Variants in SSU72 observed in about 807,000 individuals in gnomAD.
SSU72 encodes the protein SSU72 homolog, RNA polymerase II CTD phosphatase.
In SSU72, 12 loss-of-function variants were observed where a neutral mutation model predicts 22.7. That is an observed-to-expected ratio of 0.53 (90% CI 0.34 to 0.86). The LOEUF (loss-of-function observed/expected upper bound fraction) is 0.86, where lower values mean the gene tolerates loss of function less well. Among genes scored for constraint, SSU72 ranks in the 40% least tolerant of loss-of-function variants. The pLI is 0.02. For synonymous variants in SSU72, 116 were observed against 98.3 expected (o/e 1.18, Z -1.06); for missense variants, 151 against 249.8 (o/e 0.60, Z 2.67).
intron 3 of SSU72, 121 bp downstream of exon 3, chr1:1,544,742 G>T (rs746475750): frequency 6.9e-7 from 1 of 1,444,542 alleles, no homozygotes; most frequent in South Asian, 1.1e-5. Context: ...TCACACTCAG[G>T]TCTGCTCCCC....
intron 2 of SSU72, chr1:1,561,393 T>C (rs1256916727): frequency 6.6e-6 from 1 of 152,238 alleles, no homozygotes; most frequent in East Asian, 1.9e-4. Context: ...GTCCTTTGTC[T>C]TGACGCTGTG....
chr1:1,553,619 C>CAAAAAA (rs59261076), intron 2 of SSU72, among the ~76,000 whole-genome samples: 1 of 100,804 alleles, frequency 9.9e-6, no homozygotes, highest in Non-Finnish European at 2.3e-5. Context: ...ACTAAAAATA[C>CAAAAAA]AAAAAAAAAA....
rs1306218662 is a variant in SSU72, at chr1:1,554,230, G to A, written c.225-9228C>T. Among the ~76,000 whole-genome samples the A allele has an allele frequency of 9.1e-5, 13 of 143,610 alleles. No individual in the cohort carries two copies. Among genetic ancestry groups the A allele is most frequent in the East Asian group, 1.9e-4 (1 of 5,140 alleles). 94.2% of individuals were successfully genotyped at this position (143,610 alleles called of 152,430 possible). ...ATCCGGACCACTAAGGGGTCCCCAC[G>A]AAGCTGAGCATGAGGCGGACCCGGA... On this transcript the variant is annotated intron_variant, in intron 2 of 4. Coordinates refer to ENST00000291386, the MANE Select transcript of SSU72 (RefSeq NM_014188.3). This position sits in a 1 kb window ranked among gnomAD's most constrained non-coding sequence, Gnocchi z 4.1.
chr1:1,551,064 C>T (rs1013676904), intron 2 of SSU72, among the ~76,000 whole-genome samples: 3 of 152,146 alleles, frequency 2.0e-5, no homozygotes, highest in Admixed American at 2.0e-4. Context: ...TGGCTGCTTC[C>T]CCAGGCCAGC....
At chr1:1,564,385 GGCAC>G in intron 2 of SSU72, 1 of 1,279,964 alleles carries the variant, frequency 7.8e-7, no homozygotes, top group Non-Finnish European at 1.0e-6. Context: ...ATGTGTATCA[GGCAC>G]GCACGCACAC....
intron 2 of SSU72, among the ~76,000 whole-genome samples, chr1:1,548,095 T>C (rs1240805249): frequency 6.6e-6 from 1 of 152,170 alleles, no homozygotes; most frequent in East Asian, 1.9e-4. Context: ...GCAAAGAGGA[T>C]GTGCCATCCA....
chr1:1,552,653 C>T (rs1642467271), intron 2 of SSU72, among the ~76,000 whole-genome samples: 1 of 152,174 alleles, frequency 6.6e-6, no homozygotes, highest in South Asian at 2.1e-4. Context: ...GAGGAGTAAA[C>T]CCAACAGACG....
At chr1:1,564,393 C>G (rs1422696828) in intron 2 of SSU72, 20 of 1,312,082 alleles carry the variant, frequency 1.5e-5, no homozygotes, top group Non-Finnish European at 1.9e-5. Flanking sequence ...CAGGCACGCA[C>G]GCACACACGC....
intron 1 of SSU72, among the ~76,000 whole-genome samples, chr1:1,566,457 T>TC (rs1359492777): frequency 6.6e-6 from 1 of 152,218 alleles, no homozygotes; most frequent in Non-Finnish European, 1.5e-5. Flanking sequence ...AACACTAAAC[T>TC]CCTCTTACAG....
intron 2 of SSU72, among the ~76,000 whole-genome samples, chr1:1,556,541 T>C (rs1327863177): frequency 1.3e-5 from 2 of 150,600 alleles, no homozygotes; most frequent in Non-Finnish European, 3.0e-5. Flanking sequence ...AACTCTTGTC[T>C]CAAAAAAAAA....
Position 1,574,693 on chromosome 1 carries a change from G to A in SSU72, c.-136C>T. On this transcript the variant is annotated 5_prime_UTR_variant, in exon 1 of 5. Transcript: ENST00000291386. ...GACGGCGCCGGCGGTGTAGCGTGCG[G>A]CGACTGCGCGGCGGCCTCCCCGCCC... The A allele has an allele frequency of 1.2e-6, 1 of 845,852 alleles. No homozygotes were observed. The highest frequency in any genetic ancestry group is 1.7e-6 in the Non-Finnish European group (1 of 600,974). 52.4% of individuals were successfully genotyped at this position (845,852 alleles called of 1,614,324 possible).
At chr1:1,573,204 G>A (rs183521208) in intron 1 of SSU72, among the ~76,000 whole-genome samples, 3 of 149,872 alleles carry the variant, frequency 2.0e-5, no homozygotes, top group Admixed American at 2.0e-4. Flanking sequence ...GGCAGATCAC[G>A]AGGTCATAAG....
rs116563714 is a variant in SSU72 at position 1,558,462 on chromosome 1, T to A, written c.224+6311A>T. 8.5e-3 allele frequency among the ~76,000 whole-genome samples: 1,297 copies of A among 152,310 alleles called. 9 individuals are homozygous for A. The highest frequency in any genetic ancestry group is 0.013 in the Non-Finnish European group (870 of 68,032). ...CCACAAGAGAGGTACAAACAGTATA[T>A]GCCAGACACAGGCTTGGTCTCCAGC... On this transcript the variant is annotated intron_variant, in intron 2 of 4. Coordinates refer to ENST00000291386, the MANE Select transcript of SSU72 (RefSeq NM_014188.3).
rs953995585 is a variant in SSU72 at position 1,542,511 on chromosome 1, T to G, written c.484-344A>C. ...GCCGACCAACCCTCACCGCCAGCGC[T>G]TCCACACCACCAACAAGCGAGCGGG... On this transcript the variant is annotated intron_variant, in intron 4 of 4. Coordinates refer to ENST00000291386, the MANE Select transcript of SSU72 (RefSeq NM_014188.3). The surrounding 1 kb of genome is among the most constrained non-coding windows in gnomAD (Gnocchi z 4.4). Among the ~76,000 whole-genome samples the G allele has an allele frequency of 7.2e-5, 11 of 152,060 alleles. No individual in the cohort carries two copies. The highest frequency in any genetic ancestry group is 1.5e-4 in the Non-Finnish European group (10 of 67,996).
Position 1,574,623 on chromosome 1 carries a change from GAACA to G in SSU72, c.-70_-67del, listed in dbSNP as rs1243975061. 2.2e-5 allele frequency: 32 copies of G among 1,472,878 alleles called. No homozygotes were observed. Among genetic ancestry groups the G allele is most frequent in the Non-Finnish European group, 2.8e-5 (31 of 1,098,680 alleles). 91.2% of individuals were successfully genotyped at this position (1,472,878 alleles called of 1,614,324 possible). ...CCACCCTACCGCGGCGCTTCCGCGC[GAACA>G]AAATGGCGGCCGCGGTGGCCGGAAG... On this transcript the variant is annotated 5_prime_UTR_variant, in exon 1 of 5. Coordinates refer to ENST00000291386, the MANE Select transcript of SSU72 (RefSeq NM_014188.3).
At chr1:1,559,659 A>C (rs1642561675) in intron 2 of SSU72, among the ~76,000 whole-genome samples, 1 of 152,138 alleles carries the variant, frequency 6.6e-6, no homozygotes, top group Non-Finnish European at 1.5e-5. Flanking sequence ...TCCTGGGTTC[A>C]AGTGACCCTC....
chr1:1,573,179 T>C (rs1642755525), intron 1 of SSU72, among the ~76,000 whole-genome samples: 1 of 150,948 alleles, frequency 6.6e-6, no homozygotes, highest in East Asian at 2.0e-4. Context: ...TCCCAGCACT[T>C]TGGGAGGCCG....
At chr1:1,564,557 T>G in intron 2 of SSU72, 2 of 1,574,410 alleles carry the variant, frequency 1.3e-6, no homozygotes, top group Non-Finnish European at 1.7e-6. Flanking sequence ...CCACACCGTG[T>G]CTGTGCGCCT....
intron 1 of SSU72, among the ~76,000 whole-genome samples, chr1:1,566,014 T>C (rs1323525764): frequency 6.6e-6 from 1 of 152,028 alleles, no homozygotes; most frequent in African/African-American, 2.4e-5. Context: ...CCAGGCACTT[T>C]GGGAGGCCGA....
Sources: gnomAD v4.1 joint callset for allele counts (sites outside exome capture counted in the v4.1 genomes callset) on GRCh38, gnomAD v4.1.1 for gene constraint, Gnocchi (gnomAD v3.1) non-coding constraint, MANE v1.5 for transcripts, NCBI Gene and HGNC (gene_info 2026-07-23, HGNC 2026-07-21) for gene names.